The following IL12B variants were observed in gnomAD, a reference collection of about 807,000 sequenced individuals.
IL12B encodes the protein interleukin-12 subunit beta.
Under a neutral mutation model 39.2 loss-of-function variants are expected in IL12B, and 27 were observed. The observed-to-expected ratio is 0.69, with a 90% CI of 0.51 to 0.95. IL12B has a LOEUF of 0.95. IL12B is among the 40% of genes least tolerant of loss of function. The pLI, the probability that IL12B is intolerant of heterozygous loss-of-function variation, is 0.00. For synonymous variants in IL12B, 142 were observed against 152.1 expected (o/e 0.93, Z 0.49); for missense variants, 351 against 397.6 (o/e 0.88, Z 1.00).
At chr5:159,328,559 G>C (rs1312349123) in intron 1 of IL12B, among the ~76,000 whole-genome samples, 1 of 152,124 alleles carries the variant, frequency 6.6e-6, no homozygotes, top group Non-Finnish European at 1.5e-5. Context: ...GGAACAATTC[G>C]GTATCTGTGT....
chr5:159,330,362 C>A (rs188149802), intron 1 of IL12B, 70 bp downstream of exon 1: 1 of 152,184 alleles, frequency 6.6e-6, no homozygotes. Context: ...AGCACACTAA[C>A]GGTTTCTACA....
chr5:159,326,805 G>A (rs1177950109), intron 1 of IL12B, 23 bp from the exon 2 acceptor site: 1 of 1,414,330 alleles, frequency 7.1e-7, no homozygotes, highest in Admixed American at 1.7e-5. Context: ...AGAGAAGCAG[G>A]GGGAAGAGAA....
intron 4 of IL12B, 49 bp from the exon 5 acceptor site, chr5:159,320,569 T>A (rs1388312829): frequency 6.8e-7 from 1 of 1,473,820 alleles, no homozygotes; most frequent in African/African-American, 1.4e-5. Flanking sequence ...GGGGAGAGAG[T>A]TCCTAGTGAT....
intron 4 of IL12B, among the ~76,000 whole-genome samples, chr5:159,321,004 CTT>C (rs200905119): frequency 7.0e-6 from 1 of 142,124 alleles, no homozygotes. Flanking sequence ...CTCTCTCTCT[CTT>C]TTTTTTTTTA....
chr5:159,326,858 A>G, intron 1 of IL12B, 76 bp from the exon 2 acceptor site: 1 of 919,050 alleles, frequency 1.1e-6, no homozygotes, highest in Non-Finnish European at 1.8e-6. Flanking sequence ...AGAAGAAAGA[A>G]TGTCAATAAT....
chr5:159,323,195 G>C lies in IL12B; in HGVS notation c.223C>G (p.Leu75Val), dbSNP rs1562113610. The C allele has an allele frequency of 3.7e-6, 6 of 1,614,154 alleles. No homozygotes were observed. Among genetic ancestry groups the C allele is most frequent in the Non-Finnish European group, 5.1e-6 (6 of 1,180,028 alleles). ...SSEVLGSGKT[L>V]TIQVKEFGDA... The stretch of plus-strand genomic sequence containing the variant: ...CCAAACTCTTTGACTTGGATGGTCA[G>C]GGTTTTGCCAGAGCCTAAGACCTCA... The change falls in exon 3 of 8, where the codon CTG (leucine) becomes GTG (valine). Residue 75 changes from leucine (L) to valine (V), a missense_variant. Coordinates refer to ENST00000231228, the MANE Select transcript of IL12B (RefSeq NM_002187.3).
chr5:159,323,959 GGTGTTAGTTATC>G (rs1754145606), intron 2 of IL12B, among the ~76,000 whole-genome samples: 2 of 150,874 alleles, frequency 1.3e-5, no homozygotes, highest in South Asian at 4.2e-4. Flanking sequence ...CAGTAAATTC[GGTGTTAGTTATC>G]GTTACTTATA....
rs563992321 is a variant in IL12B at position 159,323,187 on chromosome 5, G to T, written c.231C>A (p.Ile77=). The change falls in exon 3 of 8, where the codon ATC becomes ATA. Residue 77 remains isoleucine, a synonymous_variant. Transcript: ENST00000231228. ...EVLGSGKTLT[I]QVKEFGDAGQ... ...CAGCATCTCCAAACTCTTTGACTTG[G>T]ATGGTCAGGGTTTTGCCAGAGCCTA... is the stretch of plus-strand genomic sequence containing the variant. 6.2e-7 allele frequency: 1 copy of T among 1,614,140 alleles called. No homozygotes were observed. The highest frequency in any genetic ancestry group is 1.3e-5 in the African/African-American group (1 of 75,032).
intron 2 of IL12B, among the ~76,000 whole-genome samples, chr5:159,326,037 C>G (rs781082069): frequency 1.1e-4 from 16 of 152,114 alleles, no homozygotes; most frequent in Non-Finnish European, 2.2e-4. Flanking sequence ...TTTAAACAAC[C>G]AAAATAGTAA....
At chr5:159,320,988 T>TTC (rs563454736) in intron 4 of IL12B, among the ~76,000 whole-genome samples, 1,827 of 149,716 alleles carry the variant, frequency 0.012, 18 homozygotes, top group South Asian at 0.03. Context: ...TTCTTTTTCT[T>TTC]TCTCTCTCTC....
At chr5:159,323,629 A>C (rs1425831537) in intron 2 of IL12B, among the ~76,000 whole-genome samples, 1 of 152,214 alleles carries the variant, frequency 6.6e-6, no homozygotes, top group Non-Finnish European at 1.5e-5. Context: ...AACTGCAAAC[A>C]GCACAAGACT....
intron 6 of IL12B, among the ~76,000 whole-genome samples, chr5:159,317,653 G>A (rs1035518565): frequency 2.0e-5 from 3 of 152,334 alleles, no homozygotes; most frequent in East Asian, 3.9e-4. Flanking sequence ...GCTGTAAGGT[G>A]AGGAAGCTGG....
rs553354037 is a variant in IL12B at position 159,320,938 on chromosome 5, T to A, written c.483-418A>T. Among the ~76,000 whole-genome samples, 269 of 152,220 alleles carry A rather than the reference T, an allele frequency of 1.8e-3. 1 individual carries two copies. Among genetic ancestry groups the A allele is most frequent in the African/African-American group, 6.2e-3 (256 of 41,558 alleles). On this transcript the variant is annotated intron_variant, in intron 4 of 7. Coordinates refer to ENST00000231228, the MANE Select transcript of IL12B (RefSeq NM_002187.3). ...CTTAACTGCTCTCCACAGGTTTAAGTACTAATAATAGCTTGTTGTATCCTT... is the reference window on the plus strand; with the variant it reads ...CTTAACTGCTCTCCACAGGTTTAAGAACTAATAATAGCTTGTTGTATCCTT...
In IL12B at chr5:159,316,774, A is replaced by C. The variant is rs750452400; in HGVS notation, c.898T>G (p.Cys300Gly). The C allele has an allele frequency of 1.1e-5, 17 of 1,614,052 alleles. No individual in the cohort carries two copies. The Admixed American group carries it at 1.2e-4, about 11-fold the overall frequency. The change falls in exon 7 of 8, where the codon TGC (cysteine) becomes GGC (glycine). Residue 300 changes from cysteine (C) to glycine (G), a missense_variant. Coordinates refer to ENST00000231228, the MANE Select transcript of IL12B (RefSeq NM_002187.3). ...FTDKTSATVI[C>G]RKNASISVRA... ...ACGCTAATGCTGGCATTTTTGCGGC[A>C]GATGACCGTGGCTGAGGTCTTGTCC...
At chr5:159,329,957 A>G (rs1001555035) in intron 1 of IL12B, among the ~76,000 whole-genome samples, 2 of 152,312 alleles carry the variant, frequency 1.3e-5, no homozygotes, top group East Asian at 3.9e-4. Flanking sequence ...GACGACCAAG[A>G]CCATCACAAA....
At chr5:159,325,295 A>G (rs1306799630) in intron 2 of IL12B, among the ~76,000 whole-genome samples, 2 of 152,230 alleles carry the variant, frequency 1.3e-5, no homozygotes, top group African/African-American at 4.8e-5. Flanking sequence ...GGGATCTGCC[A>G]TATACCCCTG....
Position 159,323,278 on chromosome 5 carries a change from A to G in IL12B, c.140T>C (p.Val47Ala). 1 of 1,614,058 alleles carries G rather than the reference A, an allele frequency of 6.2e-7. No homozygotes were observed. Among genetic ancestry groups the G allele is most frequent in the Non-Finnish European group, 8.5e-7 (1 of 1,179,940 alleles). ...TTCTTCAGGGGTGTCACAGGTGAGGACCACCATTTCTCCAGGGGCATCCGG... is the reference window on the plus strand; with the variant it reads ...TTCTTCAGGGGTGTCACAGGTGAGGGCCACCATTTCTCCAGGGGCATCCGG... ...WYPDAPGEMVVLTCDTPEEDG... is the reference protein window; with the variant it reads ...WYPDAPGEMVALTCDTPEEDG... The change falls in exon 3 of 8, where the codon GTC becomes GCC. Residue 47 changes from valine (V) to alanine (A), a missense_variant. By Grantham distance (64) the Val-to-Ala change is moderately conservative (BLOSUM62 0). Transcript: ENST00000231228.
intron 3 of IL12B, 25 bp from the exon 4 acceptor site, chr5:159,322,536 C>G (rs1404758568): frequency 1.4e-6 from 2 of 1,470,250 alleles, no homozygotes; most frequent in African/African-American, 2.8e-5. Flanking sequence ...AACAAAAATT[C>G]AATATTTAGG....
At chr5:159,323,010 T>G (rs774119617) in intron 3 of IL12B, 44 bp downstream of exon 3, 3 of 1,588,806 alleles carry the variant, frequency 1.9e-6, no homozygotes, top group South Asian at 1.1e-5. Context: ...TTAACTCTTA[T>G]GAGCGAAAGA....
Sources: gnomAD v4.1 joint callset for allele counts (sites outside exome capture counted in the v4.1 genomes callset) on GRCh38, gnomAD v4.1.1 for gene constraint, MANE v1.5 for transcripts, NCBI Gene and HGNC (gene_info 2026-07-23, HGNC 2026-07-21) for gene names.